Variants in CXADR observed in about 807,000 individuals in gnomAD.
CXADR encodes coxsackievirus and adenovirus receptor.
A neutral mutation model predicts 40.3 loss-of-function variants in CXADR; 20 were observed. That is an observed-to-expected ratio of 0.50 (90% CI 0.35 to 0.72). The LOEUF is 0.72. Ranked by LOEUF, CXADR falls within the 30% of genes least tolerant of loss-of-function variation. CXADR has a pLI of 0.01. For missense variants in CXADR, 332 were observed against 449.1 expected, an observed-to-expected ratio of 0.74 and a Z score of 2.36; for synonymous variants, 150 against 161.3, an observed-to-expected ratio of 0.93 and a Z score of 0.53.
chr21:17,563,940 C>CAAAAAAAAAAAAA (rs35020228), intron 6 of CXADR, among the ~76,000 whole-genome samples: 18 of 37,198 alleles, frequency 4.8e-4, no homozygotes, highest in East Asian at 1.8e-3. Flanking sequence ...GACTCTGTCT[C>CAAAAAAAAAAAAA]AAAAAAAAAA....
At chr21:17,617,250 T>G in the CXADR span, among the ~76,000 whole-genome samples, 1 of 152,186 alleles carries the variant, frequency 6.6e-6, no homozygotes, top group Non-Finnish European at 1.5e-5. Flanking sequence ...GAACTTCATA[T>G]TGGAAATCCC....
intron 7 of CXADR, among the ~76,000 whole-genome samples, chr21:17,588,161 G>A (rs938109579): frequency 6.6e-5 from 10 of 152,194 alleles, no homozygotes; most frequent in African/African-American, 2.2e-4. Flanking sequence ...TTGAAGTCAG[G>A]TAGTGTGATG....
intron 7 of CXADR, among the ~76,000 whole-genome samples, chr21:17,579,596 C>T (rs2061346228): frequency 6.6e-6 from 1 of 152,026 alleles, no homozygotes; most frequent in Admixed American, 6.6e-5. Context: ...TCTCACTTTT[C>T]TTTATGATGT....
intron 7 of CXADR, among the ~76,000 whole-genome samples, chr21:17,578,924 T>C: frequency 6.6e-6 from 1 of 152,220 alleles, no homozygotes; most frequent in East Asian, 1.9e-4. Context: ...AAATGGTTAT[T>C]GTTTATCTTC....
At chr21:17,622,693 G>A in the CXADR span, among the ~76,000 whole-genome samples, 40,196 of 151,966 alleles carry the variant, frequency 0.26, 5,578 homozygotes, top group East Asian at 0.38. Context: ...AGAGTAGAAC[G>A]AAGTTGTTAG....
chr21:17,611,675 C>A, the CXADR span: 1 of 152,168 alleles, frequency 6.6e-6, no homozygotes, highest in Non-Finnish European at 1.5e-5. Context: ...CAAAAGGCTC[C>A]CATTTTAAAT....
At chr21:17,563,509 C>T (rs977349822) in intron 6 of CXADR, among the ~76,000 whole-genome samples, 2 of 151,782 alleles carry the variant, frequency 1.3e-5, no homozygotes, top group East Asian at 3.9e-4. Context: ...TTCATGGTGC[C>T]CCAAAACAGT....
intron 1 of CXADR, among the ~76,000 whole-genome samples, chr21:17,535,221 A>C (rs1461634877): frequency 6.6e-6 from 1 of 152,096 alleles, no homozygotes; most frequent in Non-Finnish European, 1.5e-5. Flanking sequence ...TCAGCTTCCC[A>C]GGCTCAAGTG....
intron 7 of CXADR, among the ~76,000 whole-genome samples, chr21:17,577,254 A>G (rs149638941): frequency 4.6e-5 from 7 of 152,242 alleles, no homozygotes; most frequent in African/African-American, 7.2e-5. Context: ...TGTCTGTCCT[A>G]TTTCACTTCT....
the CXADR span, among the ~76,000 whole-genome samples, chr21:17,599,692 C>G: frequency 6.6e-6 from 1 of 152,100 alleles, no homozygotes; most frequent in Non-Finnish European, 1.5e-5. Context: ...GCTGGCCAGG[C>G]TGGTCTTGAA....
chr21:17,536,257 A>G (rs913243795), intron 1 of CXADR, among the ~76,000 whole-genome samples: 4 of 152,226 alleles, frequency 2.6e-5, no homozygotes, highest in Non-Finnish European at 5.9e-5. Context: ...CAACAACTAT[A>G]CATAAAGTAG....
intron 7 of CXADR, among the ~76,000 whole-genome samples, chr21:17,578,004 T>A (rs2061334218): frequency 6.6e-6 from 1 of 152,146 alleles, no homozygotes; most frequent in South Asian, 2.1e-4. Flanking sequence ...CCATAGTATT[T>A]AGATACCATT....
At chr21:17,630,835 A>C in the CXADR span, among the ~76,000 whole-genome samples, 17 of 152,180 alleles carry the variant, frequency 1.1e-4, no homozygotes, top group South Asian at 3.1e-3. Flanking sequence ...CTTTAAGTCA[A>C]AGGTAATTAT....
At chr21:17,630,068 G>A in the CXADR span, among the ~76,000 whole-genome samples, 1 of 152,134 alleles carries the variant, frequency 6.6e-6, no homozygotes, top group Admixed American at 6.5e-5. Flanking sequence ...GGGACATTAA[G>A]AGTGAGATTC....
intron 6 of CXADR, among the ~76,000 whole-genome samples, chr21:17,562,370 G>A (rs2061135811): frequency 6.6e-6 from 1 of 152,190 alleles, no homozygotes; most frequent in South Asian, 2.1e-4. Flanking sequence ...TGCCCAGGCT[G>A]GAGTGGAGTG....
Position 17,568,040 on chromosome 21 carries a change from C to T in CXADR, c.*2348C>T. The T allele has an allele frequency of 1.0e-6, 1 of 984,740 alleles. No individual in the cohort carries two copies. The allele number at this position is 984,740 out of a possible 1,614,324, so 61.0% of individuals were successfully genotyped here. A position where few individuals can be genotyped will look rare whatever the true frequency, so the allele number is the denominator to read the frequency against. On this transcript the variant is annotated 3_prime_UTR_variant, in exon 7 of 7. Transcript: ENST00000284878. Reference sequence around the variant, plus strand: ...AGTTGAACCAGAGATCAAATATTTGCTCCCGAATTACTACTGGTAATCAAG... The same window carrying T: ...AGTTGAACCAGAGATCAAATATTTGTTCCCGAATTACTACTGGTAATCAAG...
downstream of CXADR, among the ~76,000 whole-genome samples, chr21:17,574,575 G>A (rs906799738): frequency 6.6e-6 from 1 of 152,194 alleles, no homozygotes; most frequent in African/African-American, 2.4e-5. Context: ...CAGGCATGAT[G>A]ATAGGAGGCA....
chr21:17,622,772 G>A, the CXADR span, among the ~76,000 whole-genome samples: 28 of 152,274 alleles, frequency 1.8e-4, no homozygotes, highest in African/African-American at 5.8e-4. Context: ...CTATCATGGA[G>A]CTGAAGAACG....
At chr21:17,607,174 TCA>T in the CXADR span, among the ~76,000 whole-genome samples, 1 of 152,222 alleles carries the variant, frequency 6.6e-6, no homozygotes, top group African/African-American at 2.4e-5. Flanking sequence ...TTTAATCGTT[TCA>T]GTTTTTTTCT....
Sources: gnomAD v4.1 joint callset for allele counts (sites outside exome capture counted in the v4.1 genomes callset) on GRCh38, gnomAD v4.1.1 for gene constraint, MANE v1.5 for transcripts, NCBI Gene and HGNC (gene_info 2026-07-23, HGNC 2026-07-21) for gene names.